The following LRRC37A2 variants were observed in gnomAD, a reference collection of about 807,000 sequenced individuals.
LRRC37A2 encodes leucine-rich repeat-containing protein 37A2.
LRRC37A2 carries 9 observed loss-of-function variants against 68.8 expected under a neutral mutation model. The ratio of observed to expected loss-of-function variants is 0.13; its 90% confidence interval spans 0.08 to 0.23. The LOEUF (loss-of-function observed/expected upper bound fraction) is 0.23, where lower values mean the gene tolerates loss of function less well. LRRC37A2 is among the 10% of genes least tolerant of loss of function. The probability of loss-of-function intolerance (pLI) is 1.00; values close to 1 mark genes in which losing one functional copy is unlikely to be tolerated. For synonymous variants in LRRC37A2, 63 were observed against 367.6 expected, an observed-to-expected ratio of 0.17 and a Z score of 9.48; for missense variants, 168 against 950.4, an observed-to-expected ratio of 0.18 and a Z score of 10.82.
chr17:46,872,752 A>C, the LRRC37A2 span: 9 of 1,427,928 alleles, frequency 6.3e-6, no homozygotes, highest in African/African-American at 1.2e-4. Flanking sequence ...CCTGGAGGGC[A>C]GGATGGGCCT....
chr17:47,008,907 C>T, the LRRC37A2 span, among the ~76,000 whole-genome samples: 1 of 152,060 alleles, frequency 6.6e-6, no homozygotes, highest in Non-Finnish European at 1.5e-5. Context: ...TTAATCCTTA[C>T]ATGTATTTTA....
At chr17:46,810,401 T>G in the LRRC37A2 span, among the ~76,000 whole-genome samples, 1 of 152,184 alleles carries the variant, frequency 6.6e-6, no homozygotes, top group Non-Finnish European at 1.5e-5. Flanking sequence ...AGTCCTCAGC[T>G]CCTTCCTGTA....
chr17:47,012,932 C>T, the LRRC37A2 span, among the ~76,000 whole-genome samples: 1 of 152,070 alleles, frequency 6.6e-6, no homozygotes, highest in Admixed American at 6.6e-5. Flanking sequence ...GCATTATTCA[C>T]GATAGCCAAA....
At chr17:46,779,053 TCACACACACACACACACACACACA>T in the LRRC37A2 span, among the ~76,000 whole-genome samples, 3 of 100,612 alleles carry the variant, frequency 3.0e-5, no homozygotes, top group Admixed American at 1.2e-4. Context: ...CCCTACCCCA[TCACACACACACACACACACACACA>T]CACACACACA....
At chr17:46,727,095 C>G in the LRRC37A2 span, among the ~76,000 whole-genome samples, 1 of 152,204 alleles carries the variant, frequency 6.6e-6, no homozygotes, top group Non-Finnish European at 1.5e-5. Context: ...TATAATCCCT[C>G]TCTTGCTTAT....
chr17:46,769,406 G>C, the LRRC37A2 span, among the ~76,000 whole-genome samples: 1 of 152,038 alleles, frequency 6.6e-6, no homozygotes, highest in Admixed American at 6.5e-5. Flanking sequence ...GGAACTTAAC[G>C]TGACTCACCC....
the LRRC37A2 span, chr17:46,923,199 C>A: frequency 0.023 from 35,574 of 1,546,906 alleles, 534 homozygotes; most frequent in South Asian, 0.025. Context: ...CGACATGGAT[C>A]CCCTGTTCCA....
At chr17:46,497,941 C>G in the LRRC37A2 span, among the ~76,000 whole-genome samples, 2 of 150,380 alleles carry the variant, frequency 1.3e-5, no homozygotes, top group Non-Finnish European at 2.9e-5. Flanking sequence ...ATATCAATGA[C>G]TTTTTTGAGA....
chr17:46,726,942 C>T, the LRRC37A2 span, among the ~76,000 whole-genome samples: 1 of 152,046 alleles, frequency 6.6e-6, no homozygotes, highest in East Asian at 1.9e-4. Context: ...GACCTCTGAG[C>T]TCAGAAATTC....
At chr17:46,992,205 A>AATAAATAAATAAATAAATAAATAAATAT in the LRRC37A2 span, among the ~76,000 whole-genome samples, 1 of 151,388 alleles carries the variant, frequency 6.6e-6, no homozygotes, top group South Asian at 2.1e-4. Context: ...CTACTAAATA[A>AATAAATAAATAAATAAATAAATAAATAT]ATAAATAAAT....
the LRRC37A2 span, among the ~76,000 whole-genome samples, chr17:47,025,472 T>C: frequency 1.4e-4 from 21 of 152,316 alleles, no homozygotes; most frequent in East Asian, 3.9e-3. Flanking sequence ...AAGGATTTCA[T>C]TTCAGGAATT....
At chr17:46,780,464 C>A in the LRRC37A2 span, among the ~76,000 whole-genome samples, 3 of 152,260 alleles carry the variant, frequency 2.0e-5, no homozygotes, top group African/African-American at 7.2e-5. Flanking sequence ...TCCAGCAATG[C>A]CACACCTGGT....
At chr17:46,792,270 T>C in the LRRC37A2 span, among the ~76,000 whole-genome samples, 4 of 152,130 alleles carry the variant, frequency 2.6e-5, no homozygotes, top group Non-Finnish European at 5.9e-5. Flanking sequence ...GATGACGTCA[T>C]GGAGCACCTT....
At chr17:46,906,300 C>T in the LRRC37A2 span, among the ~76,000 whole-genome samples, 16 of 152,172 alleles carry the variant, frequency 1.1e-4, no homozygotes, top group Admixed American at 9.8e-4. Context: ...GACATAAGGT[C>T]GGAAAGGACT....
At chr17:46,919,696 C>T in the LRRC37A2 span, among the ~76,000 whole-genome samples, 1 of 152,196 alleles carries the variant, frequency 6.6e-6, no homozygotes, top group Admixed American at 6.5e-5. Context: ...GCCTGTAACC[C>T]CAGCACTTTG....
At chr17:46,708,005 C>A in the LRRC37A2 span, among the ~76,000 whole-genome samples, 1 of 150,636 alleles carries the variant, frequency 6.6e-6, no homozygotes, top group Non-Finnish European at 1.5e-5. Flanking sequence ...TGCACGCCAG[C>A]CTGGTGACAG....
the LRRC37A2 span, chr17:46,909,936 G>C: frequency 6.6e-6 from 1 of 152,392 alleles, no homozygotes; most frequent in Non-Finnish European, 1.5e-5. Context: ...CCTCCTCCTG[G>C]CAGGCTGAAG....
the LRRC37A2 span, among the ~76,000 whole-genome samples, chr17:46,757,974 A>G: frequency 6.6e-6 from 1 of 152,106 alleles, no homozygotes; most frequent in South Asian, 2.1e-4. Context: ...AGCCTGGGCA[A>G]CAGAGCAATA....
At chr17:46,818,078 G>T in the LRRC37A2 span, among the ~76,000 whole-genome samples, 1 of 152,006 alleles carries the variant, frequency 6.6e-6, no homozygotes, top group Admixed American at 6.6e-5. Flanking sequence ...TGGAGGCGCC[G>T]GCAGAGGTGG....
Sources: allele counts gnomAD v4.1 joint callset (sites outside exome capture counted in the v4.1 genomes callset), GRCh38; gene constraint gnomAD v4.1.1; transcripts MANE v1.5; gene names NCBI Gene and HGNC (gene_info 2026-07-23, HGNC 2026-07-21).